Variants in UBE2L3 observed in about 807,000 individuals in gnomAD.
UBE2L3 encodes ubiquitin-conjugating enzyme E2 L3.
Under a neutral mutation model 17.8 loss-of-function variants are expected in UBE2L3, and 1 was observed. The ratio of observed to expected loss-of-function variants is 0.06; its 90% CI spans 0.02 to 0.27. The LOEUF (loss-of-function observed/expected upper bound fraction) is 0.27, where lower values mean the gene tolerates loss of function less well. Among genes scored for constraint, UBE2L3 ranks in the 10% least tolerant of loss-of-function variants. The probability of loss-of-function intolerance (pLI) is 1.00; values close to 1 mark genes in which losing one functional copy is unlikely to be tolerated. For missense variants in UBE2L3, 40 were observed against 192.6 expected (o/e 0.21, Z 4.69); for synonymous variants, 44 against 68.5 (o/e 0.64, Z 1.76).
At chr22:21,599,839 TC>T (rs925903118) in intron 2 of UBE2L3, among the ~76,000 whole-genome samples, 10 of 152,204 alleles carry the variant, frequency 6.6e-5, no homozygotes, top group Non-Finnish European at 5.9e-5. Flanking sequence ...CTGTATTTTT[TC>T]CATTCTTGGG....
At chr22:21,607,154 C>A (rs980986028) in intron 2 of UBE2L3, among the ~76,000 whole-genome samples, 2 of 152,126 alleles carry the variant, frequency 1.3e-5, no homozygotes, top group Non-Finnish European at 2.9e-5. Context: ...GCTCTGTTTA[C>A]TGGAGTGCGT....
chr22:21,588,666 T>G (rs1928084241), intron 1 of UBE2L3, among the ~76,000 whole-genome samples: 1 of 151,360 alleles, frequency 6.6e-6, no homozygotes, highest in Admixed American at 6.6e-5. Context: ...TTTTTTATTT[T>G]TATTTATTTA....
intron 1 of UBE2L3, among the ~76,000 whole-genome samples, chr22:21,561,673 T>C (rs2148392330): frequency 6.6e-6 from 1 of 150,744 alleles, no homozygotes; most frequent in East Asian, 1.9e-4. Context: ...ACATGGGGAG[T>C]GTAGTGGGAG....
intron 2 of UBE2L3, among the ~76,000 whole-genome samples, chr22:21,606,084 A>G (rs1929142317): frequency 6.6e-6 from 1 of 152,246 alleles, no homozygotes; most frequent in Non-Finnish European, 1.5e-5. Flanking sequence ...ACAGATGTAC[A>G]GGAACATTCT....
At position 21,599,290 on chromosome 22, in the gene UBE2L3, T is replaced by C. The variant is rs1332404211; in HGVS notation, c.123+6334T>C. On this transcript the variant is annotated intron_variant, in intron 2 of 3. Transcript: ENST00000342192. The stretch of plus-strand genomic sequence containing the variant: ...GTTCTTTTCTGCTTCCTGCTAATTG[T>C]GCCACTCTGCCTTCTCTCTCCCCTA... Among the ~76,000 whole-genome samples, 20 of 152,286 alleles carry C rather than the reference T, an allele frequency of 1.3e-4. No individual in the cohort carries two copies. In the South Asian group the frequency reaches 1.9e-3, roughly 14 times the overall value.
intron 3 of UBE2L3, among the ~76,000 whole-genome samples, chr22:21,611,569 G>A (rs1929481736): frequency 6.6e-6 from 1 of 152,206 alleles, no homozygotes; most frequent in South Asian, 2.1e-4. Flanking sequence ...ATGAAGGCAC[G>A]TAGTTGGCTT....
chr22:21,592,795 A>G, intron 1 of UBE2L3, 66 bp from the exon 2 acceptor site: 2 of 1,278,310 alleles, frequency 1.6e-6, no homozygotes, highest in Non-Finnish European at 2.3e-6. Context: ...TGAGGGCATC[A>G]GGAGGGATCT....
chr22:21,593,236 A>C (rs1928354267), intron 2 of UBE2L3, among the ~76,000 whole-genome samples: 1 of 151,926 alleles, frequency 6.6e-6, no homozygotes, highest in Non-Finnish European at 1.5e-5. Flanking sequence ...CTCTTTCCTG[A>C]CTTCCCTGCG....
In UBE2L3 at chr22:21,582,295, G is replaced by C. The variant is rs563585746; in HGVS notation, c.28-10566G>C. ...TAGAAATGACACTGCATTCATCAAG[G>C]CTCCAGTTTTTTCCTTGCCAAGAAA... On this transcript the variant is annotated intron_variant, in intron 1 of 3. Coordinates refer to ENST00000342192, the MANE Select transcript of UBE2L3 (RefSeq NM_003347.4). 6.6e-5 allele frequency among the ~76,000 whole-genome samples: 10 copies of C among 151,664 alleles called. No individual in the cohort carries two copies. In the South Asian group the frequency reaches 1.9e-3, roughly 28 times the overall value.
At chr22:21,580,574 C>T (rs1046136461) in intron 1 of UBE2L3, among the ~76,000 whole-genome samples, 19 of 151,736 alleles carry the variant, frequency 1.3e-4, no homozygotes, top group South Asian at 2.1e-4. Context: ...CTTAGCCTCC[C>T]GAGTAGTTGG....
At chr22:21,556,309 A>G (rs1926222610) in intron 1 of UBE2L3, among the ~76,000 whole-genome samples, 1 of 152,192 alleles carries the variant, frequency 6.6e-6, no homozygotes, top group Admixed American at 6.5e-5. Context: ...GTGGGAGAAT[A>G]GTTTGAGCCC....
At chr22:21,600,680 A>G (rs567018809) in intron 2 of UBE2L3, among the ~76,000 whole-genome samples, 1 of 152,254 alleles carries the variant, frequency 6.6e-6, no homozygotes, top group African/African-American at 2.4e-5. Context: ...TGGGCGACAG[A>G]GTGAGACTCC....
At chr22:21,611,245 A>G (rs560357142) in intron 3 of UBE2L3, among the ~76,000 whole-genome samples, 2 of 152,316 alleles carry the variant, frequency 1.3e-5, no homozygotes, top group South Asian at 2.1e-4. Flanking sequence ...AGGCCTTTCC[A>G]GTGCTCAGCC....
intron 1 of UBE2L3, chr22:21,568,500 A>G: frequency 2.2e-6 from 2 of 916,302 alleles, no homozygotes; most frequent in Non-Finnish European, 2.6e-6. Context: ...TGGGGGGATA[A>G]CGGTTGATTT....
chr22:21,608,892 G>GT (rs1929320813), intron 2 of UBE2L3, among the ~76,000 whole-genome samples: 1 of 150,866 alleles, frequency 6.6e-6, no homozygotes, highest in Non-Finnish European at 1.5e-5. Flanking sequence ...CAGTTTGGCA[G>GT]TTTTGTTTTG....
rs35054754 is a variant in UBE2L3, at chr22:21,597,775, A to ATTTTTTTTTT, written c.123+4842_123+4851dup. 3.9e-3 allele frequency among the ~76,000 whole-genome samples: 101 copies of ATTTTTTTTTT among 25,604 alleles called. 25 individuals carry two copies. Among genetic ancestry groups the ATTTTTTTTTT allele is most frequent in the Admixed American group, 6.9e-3 (9 of 1,300 alleles). The allele number at this position is 25,604 out of a possible 152,430, so 16.8% of individuals were successfully genotyped here. On this transcript the variant is annotated intron_variant, in intron 2 of 3. Coordinates refer to ENST00000342192, the MANE Select transcript of UBE2L3 (RefSeq NM_003347.4). ...GGATCTTTGATCCATTTATATGTAG[A>ATTTTTTTTTT]TTTTTTTTTTTTTTTTTTTTTTTTT...
rs1249342444 is a variant in UBE2L3 at position 21,601,443 on chromosome 22, G to A, written c.123+8487G>A. 2.0e-5 allele frequency among the ~76,000 whole-genome samples: 3 copies of A among 151,710 alleles called. No homozygotes were observed. The East Asian group carries it at 6.1e-4, about 31-fold the overall frequency. ...TTCTCCTGCCTCAGCCTCCTAAGTA[G>A]CTGGGATTACAGGCGTGTACCACTA... On this transcript the variant is annotated intron_variant, in intron 2 of 3. Coordinates refer to ENST00000342192, the MANE Select transcript of UBE2L3 (RefSeq NM_003347.4).
At chr22:21,593,034 T>C (rs1928341574) in intron 2 of UBE2L3, 78 bp downstream of exon 2, 2 of 1,274,678 alleles carry the variant, frequency 1.6e-6, no homozygotes, top group African/African-American at 1.5e-5. Flanking sequence ...GTTTTTCTGC[T>C]CCTTAGTAGG....
chr22:21,609,184 A>C, intron 2 of UBE2L3, among the ~76,000 whole-genome samples: 1 of 151,992 alleles, frequency 6.6e-6, no homozygotes, highest in East Asian at 1.9e-4. Flanking sequence ...GGCGTGAGCC[A>C]CCGCGCCCGG....
Sources: allele counts gnomAD v4.1 joint callset (sites outside exome capture counted in the v4.1 genomes callset), GRCh38; gene constraint gnomAD v4.1.1; transcripts MANE v1.5; gene names NCBI Gene and HGNC (gene_info 2026-07-23, HGNC 2026-07-21).